The following PALLD variants were observed in gnomAD, a reference collection of about 807,000 sequenced individuals.
The protein encoded by PALLD is palladin, cytoskeletal associated protein.
A neutral mutation model predicts 123.5 loss-of-function variants in PALLD; 61 were observed. That is an observed-to-expected ratio of 0.49 (90% CI 0.40 to 0.61). The LOEUF is 0.61. Ranked by LOEUF, PALLD falls within the 20% of genes least tolerant of loss-of-function variation. The pLI, the probability that PALLD is intolerant of heterozygous loss-of-function variation, is 0.00. For missense variants in PALLD, 1,273 were observed against 1,377.0 expected (o/e 0.92, Z 1.20); for synonymous variants, 465 against 496.4 (o/e 0.94, Z 0.84).
intron 10 of PALLD, among the ~76,000 whole-genome samples, chr4:168,836,578 C>T (rs543029609): frequency 2.0e-5 from 3 of 152,268 alleles, no homozygotes; most frequent in East Asian, 3.9e-4. Context: ...CTTCAGTTCT[C>T]ACAAAATTGT....
At chr4:168,642,505 G>A (rs1461669937) in intron 2 of PALLD, among the ~76,000 whole-genome samples, 2 of 152,098 alleles carry the variant, frequency 1.3e-5, no homozygotes, top group African/African-American at 4.8e-5. Flanking sequence ...GGGTTCAAGC[G>A]ATCCTCCTGC....
chr4:168,782,352 A>G (rs1736044206), intron 10 of PALLD, among the ~76,000 whole-genome samples: 1 of 152,258 alleles, frequency 6.6e-6, no homozygotes, highest in African/African-American at 2.4e-5. Context: ...TAAAATAGGC[A>G]GATAGTGTCT....
chr4:168,733,908 T>TG (rs1451996818), intron 10 of PALLD, among the ~76,000 whole-genome samples: 4 of 152,286 alleles, frequency 2.6e-5, no homozygotes, highest in Admixed American at 2.0e-4. Flanking sequence ...CTAATTTTTT[T>TG]GTATTTTTAG....
chr4:168,603,412 A>G (rs1353287548), intron 2 of PALLD, among the ~76,000 whole-genome samples: 4 of 152,250 alleles, frequency 2.6e-5, no homozygotes, highest in Non-Finnish European at 4.4e-5. Context: ...GACTTGCAGA[A>G]GAGTAATCAA....
chr4:168,518,702 C>G (rs948109923), intron 2 of PALLD, among the ~76,000 whole-genome samples: 1 of 152,248 alleles, frequency 6.6e-6, no homozygotes, highest in African/African-American at 2.4e-5. Context: ...CTACCTTACT[C>G]TCTATTCCAC....
At chr4:168,888,910 T>C (rs1384762881) in intron 10 of PALLD, among the ~76,000 whole-genome samples, 1 of 152,064 alleles carries the variant, frequency 6.6e-6, no homozygotes, top group Admixed American at 6.6e-5. Flanking sequence ...CAGGAGTGCA[T>C]GGCATCATGA....
chr4:168,908,180 G>A (rs1758203071), intron 15 of PALLD, among the ~76,000 whole-genome samples: 2 of 152,144 alleles, frequency 1.3e-5, no homozygotes, highest in African/African-American at 4.8e-5. Context: ...CTTCTTTTCT[G>A]TCTTGGGGGC....
In PALLD at chr4:168,587,116, A is replaced by G. The variant is rs561923214; in HGVS notation, c.908+74704A>G. On this transcript the variant is annotated intron_variant, in intron 2 of 21. Transcript: ENST00000505667. ...AGTGCCCTGGACACCCCCCGACGACAAAGAATTCTCCAGCCCAAAATGCCT... is the reference window on the plus strand; with the variant it reads ...AGTGCCCTGGACACCCCCCGACGACGAAGAATTCTCCAGCCCAAAATGCCT... 5.1e-4 allele frequency among the ~76,000 whole-genome samples: 77 copies of G among 152,296 alleles called. No homozygotes were observed. In the South Asian group the frequency reaches 0.015, roughly 29 times the overall value.
At chr4:168,827,837 C>T (rs750863159) in intron 10 of PALLD, among the ~76,000 whole-genome samples, 96 of 152,262 alleles carry the variant, frequency 6.3e-4, no homozygotes, top group African/African-American at 2.2e-3. Flanking sequence ...ATCAGAAGTT[C>T]GAGACCAGTC....
At chr4:168,739,255 T>C (rs959543849) in intron 10 of PALLD, among the ~76,000 whole-genome samples, 1 of 152,252 alleles carries the variant, frequency 6.6e-6, no homozygotes, top group Non-Finnish European at 1.5e-5. Context: ...TTTGATATAC[T>C]GATTCATTTT....
chr4:168,831,917 G>T lies in PALLD; in HGVS notation c.1965-59005G>T, dbSNP rs577502370. 1.1e-5 allele frequency: 8 copies of T among 753,670 alleles called. No individual in the cohort carries two copies. The South Asian group carries it at 4.2e-4, about 39-fold the overall frequency. 46.7% of individuals were successfully genotyped at this position (753,670 alleles called of 1,614,324 possible). Reference sequence around the variant, plus strand: ...AAAGGGCGGGACAAGGTTACGAGTGGGTGCGGGGAAGCCTCCCTAACCTGG... The same window carrying T: ...AAAGGGCGGGACAAGGTTACGAGTGTGTGCGGGGAAGCCTCCCTAACCTGG... On this transcript the variant is annotated intron_variant, in intron 10 of 21. Transcript: ENST00000505667.
chr4:168,809,583 C>T (rs1740766580), intron 10 of PALLD, among the ~76,000 whole-genome samples: 1 of 152,168 alleles, frequency 6.6e-6, no homozygotes, highest in South Asian at 2.1e-4. Context: ...AGACGTGGGG[C>T]TGGGCACTGT....
intron 2 of PALLD, among the ~76,000 whole-genome samples, chr4:168,651,382 A>C (rs1778024717): frequency 1.3e-5 from 2 of 152,270 alleles, no homozygotes; most frequent in Non-Finnish European, 2.9e-5. Context: ...GAATGTTCCC[A>C]ACACAAAGAA....
At chr4:168,920,049 A>C (rs879527104) in intron 17 of PALLD, among the ~76,000 whole-genome samples, 4 of 152,186 alleles carry the variant, frequency 2.6e-5, no homozygotes, top group Non-Finnish European at 5.9e-5. Flanking sequence ...CTAGGATCTA[A>C]CCTGGTAAAG....
chr4:168,615,108 T>C (rs969368750), intron 2 of PALLD, among the ~76,000 whole-genome samples: 1 of 151,962 alleles, frequency 6.6e-6, no homozygotes, highest in African/African-American at 2.4e-5. Context: ...TCATATTTCT[T>C]GCAATGCATT....
chr4:168,755,658 C>CT (rs1731755664), intron 10 of PALLD, among the ~76,000 whole-genome samples: 1 of 152,154 alleles, frequency 6.6e-6, no homozygotes, highest in Admixed American at 6.6e-5. Context: ...AAATAGCACA[C>CT]TTTGCAGCTG....
intron 2 of PALLD, among the ~76,000 whole-genome samples, chr4:168,574,552 T>C (rs1386787573): frequency 6.6e-6 from 1 of 152,186 alleles, no homozygotes; most frequent in African/African-American, 2.4e-5. Flanking sequence ...ATAGACTGTA[T>C]GTTCCTTGAG....
chr4:168,816,413 A>ATATT lies in PALLD; in HGVS notation c.1965-74508_1965-74507insATTT, dbSNP rs34003798. On this transcript the variant is annotated intron_variant, in intron 10 of 21. Coordinates refer to ENST00000505667, the MANE Select transcript of PALLD (RefSeq NM_001166108.2). ...TGTATATATATATATATATATATAT[A>ATATT]TTTTTTTTAAGTATTAGATTGGAGT... Among the ~76,000 whole-genome samples, 1,347 of 135,944 alleles carry ATATT rather than the reference A, an allele frequency of 9.9e-3. 12 individuals carry two copies. The highest frequency in any genetic ancestry group is 0.032 in the East Asian group (148 of 4,622). 89.2% of individuals were successfully genotyped at this position (135,944 alleles called of 152,430 possible).
At chr4:168,873,421 T>A (rs1232524997) in intron 10 of PALLD, among the ~76,000 whole-genome samples, 1 of 152,216 alleles carries the variant, frequency 6.6e-6, no homozygotes, top group Non-Finnish European at 1.5e-5. Context: ...CACAAATGTT[T>A]TTCAGCTTTG....
Sources: allele counts gnomAD v4.1 joint callset (sites outside exome capture counted in the v4.1 genomes callset), GRCh38; gene constraint gnomAD v4.1.1; transcripts MANE v1.5; gene names NCBI Gene and HGNC (gene_info 2026-07-23, HGNC 2026-07-21).